The following RANBP17 variants were observed in gnomAD, a reference collection of about 807,000 sequenced individuals.
The protein encoded by RANBP17 is ran-binding protein 17.
Under a neutral mutation model 141.2 loss-of-function variants are expected in RANBP17, and 158 were observed. That is an observed-to-expected ratio of 1.12 (90% CI 0.98 to 1.28). RANBP17 has a LOEUF of 1.28. Among genes scored for constraint, RANBP17 ranks in the 50% most tolerant of loss-of-function variants. The pLI is 0.00. For synonymous variants in RANBP17, 430 were observed against 450.0 expected (o/e 0.96, Z 0.56); for missense variants, 1,438 against 1,290.7 (o/e 1.11, Z -1.75).
chr5:171,028,239 G>T (rs550386341), intron 14 of RANBP17, among the ~76,000 whole-genome samples: 88 of 152,072 alleles, frequency 5.8e-4, no homozygotes, highest in African/African-American at 1.8e-3. Flanking sequence ...GTGTAAGAAA[G>T]ACACATTATA....
At chr5:171,156,587 T>C (rs141880837) in intron 14 of RANBP17, among the ~76,000 whole-genome samples, 3 of 152,186 alleles carry the variant, frequency 2.0e-5, no homozygotes, top group Non-Finnish European at 2.9e-5. Flanking sequence ...GACACAAATA[T>C]AGACATTTCA....
At chr5:171,229,210 A>G (rs1044440951) in intron 22 of RANBP17, among the ~76,000 whole-genome samples, 6 of 152,240 alleles carry the variant, frequency 3.9e-5, no homozygotes, top group Non-Finnish European at 8.8e-5. Flanking sequence ...TATAATAACA[A>G]AGTAGCAGAG....
intron 18 of RANBP17, among the ~76,000 whole-genome samples, chr5:171,189,843 T>G (rs1422413902): frequency 1.3e-5 from 2 of 152,184 alleles, no homozygotes; most frequent in Non-Finnish European, 2.9e-5. Flanking sequence ...TATATATGGC[T>G]TGATAGTTTT....
intron 14 of RANBP17, among the ~76,000 whole-genome samples, chr5:171,115,013 A>T (rs1049453936): frequency 1.3e-5 from 2 of 151,998 alleles, no homozygotes; most frequent in African/African-American, 4.8e-5. Context: ...GCTTGGGAGG[A>T]TGATTGCAGC....
chr5:171,059,239 A>T (rs1313780506), intron 14 of RANBP17, among the ~76,000 whole-genome samples: 10 of 152,206 alleles, frequency 6.6e-5, no homozygotes. Flanking sequence ...GTCCTTGCCC[A>T]TGCCTATGTC....
intron 18 of RANBP17, among the ~76,000 whole-genome samples, chr5:171,185,735 TCA>T: frequency 6.6e-6 from 1 of 152,336 alleles, no homozygotes; most frequent in Non-Finnish European, 1.5e-5. Flanking sequence ...CTTGAACCCC[TCA>T]GAGTCGTCCA....
intron 22 of RANBP17, among the ~76,000 whole-genome samples, chr5:171,239,817 C>T (rs1764752374): frequency 6.6e-6 from 1 of 152,158 alleles, no homozygotes. Context: ...TAGTTCTAGA[C>T]ACAAACAGGA....
intron 14 of RANBP17, among the ~76,000 whole-genome samples, chr5:171,129,634 A>G (rs1034427523): frequency 6.6e-6 from 1 of 152,202 alleles, no homozygotes; most frequent in Non-Finnish European, 1.5e-5. Context: ...GTGGCCACCA[A>G]AGCTACCATT....
intron 13 of RANBP17, among the ~76,000 whole-genome samples, chr5:170,955,461 T>TATATCTATATATATATATATATATGC (rs1160488843): frequency 4.5e-5 from 3 of 67,290 alleles, no homozygotes; most frequent in Non-Finnish European, 9.9e-5. Flanking sequence ...AGTATATATA[T>TATATCTATATATATATATATATATGC]ATATCTATAT....
chr5:171,123,279 G>A (rs1362677115), intron 14 of RANBP17, among the ~76,000 whole-genome samples: 1 of 152,140 alleles, frequency 6.6e-6, no homozygotes, highest in Non-Finnish European at 1.5e-5. Flanking sequence ...AGGGACCCAA[G>A]GACGTACCTG....
intron 14 of RANBP17, among the ~76,000 whole-genome samples, chr5:171,062,566 A>G (rs368655882): frequency 1.3e-4 from 20 of 152,200 alleles, no homozygotes; most frequent in African/African-American, 3.6e-4. Context: ...AGGGTAACCC[A>G]ACCTTTCTCT....
At chr5:170,956,710 A>G (rs1428444247) in intron 13 of RANBP17, among the ~76,000 whole-genome samples, 1 of 150,642 alleles carries the variant, frequency 6.6e-6, no homozygotes, top group Non-Finnish European at 1.5e-5. Flanking sequence ...TTGGCCTCCC[A>G]AAGTGCTGGG....
At chr5:170,980,957 A>T (rs1007296949) in intron 14 of RANBP17, among the ~76,000 whole-genome samples, 4 of 152,210 alleles carry the variant, frequency 2.6e-5, no homozygotes, top group African/African-American at 9.7e-5. Context: ...CTGCAGAGCC[A>T]CAGGAGCGGA....
At chr5:171,272,298 G>C (rs1324548917) in intron 25 of RANBP17, among the ~76,000 whole-genome samples, 4 of 151,886 alleles carry the variant, frequency 2.6e-5, no homozygotes, top group Non-Finnish European at 5.9e-5. Flanking sequence ...TGTGACATGT[G>C]GTTTACCTAT....
At chr5:171,101,737 G>A (rs1787181288) in intron 14 of RANBP17, among the ~76,000 whole-genome samples, 1 of 152,180 alleles carries the variant, frequency 6.6e-6, no homozygotes, top group Admixed American at 6.5e-5. Context: ...AGTACTGGTT[G>A]TTCCTTTCCA....
chr5:171,085,208 A>T (rs892897697), intron 14 of RANBP17, among the ~76,000 whole-genome samples: 1 of 140,320 alleles, frequency 7.1e-6, no homozygotes, highest in African/African-American at 2.7e-5. Flanking sequence ...AGCACCATTT[A>T]TTAAATAGGG....
At chr5:170,891,678 G>T (rs1361209579) in intron 3 of RANBP17, among the ~76,000 whole-genome samples, 1 of 152,048 alleles carries the variant, frequency 6.6e-6, no homozygotes, top group East Asian at 1.9e-4. Context: ...AAGAGAGAAG[G>T]GGGAGGTGCT....
At chr5:171,283,494 G>T (rs1370287582) in intron 25 of RANBP17, among the ~76,000 whole-genome samples, 1 of 152,228 alleles carries the variant, frequency 6.6e-6, no homozygotes, top group East Asian at 1.9e-4. Context: ...CTCTTGGCCA[G>T]CACTTTCTGT....
intron 14 of RANBP17, among the ~76,000 whole-genome samples, chr5:171,110,863 A>AT (rs35915171): frequency 0.26 from 38,817 of 146,908 alleles, 6,320 homozygotes; most frequent in East Asian, 0.57. Context: ...TTTTTTTTTA[A>AT]TTTTTTTTTT....
Sources: gnomAD v4.1 joint callset for allele counts (sites outside exome capture counted in the v4.1 genomes callset) on GRCh38, gnomAD v4.1.1 for gene constraint, MANE v1.5 for transcripts, NCBI Gene and HGNC (gene_info 2026-07-23, HGNC 2026-07-21) for gene names.